Variants in PUF60 observed in about 807,000 individuals in gnomAD.
PUF60 encodes the protein poly(U)-binding-splicing factor PUF60.
Under a neutral mutation model 61.8 loss-of-function variants are expected in PUF60, and 10 were observed. The observed-to-expected ratio is 0.16, with a 90% CI of 0.10 to 0.27. The LOEUF is 0.27. Ranked by LOEUF, PUF60 falls within the 10% of genes least tolerant of loss-of-function variation. PUF60 has a pLI of 1.00. For synonymous variants in PUF60, 353 were observed against 300.9 expected (o/e 1.17, Z -1.79); for missense variants, 371 against 754.0 (o/e 0.49, Z 5.95).
At position 143,816,906 on chromosome 8, in the gene PUF60, C is replaced by T. The variant is rs1307048428; in HGVS notation, c.1380+4G>A. ...CCCCGCCACCACCCTGCCCCTCTGC[C>T]TACCTCCTGCTTGCGGAGCAGCTTC... On this transcript the variant is annotated splice_donor_region_variant and intron_variant, in intron 11 of 11. Transcript: ENST00000526683. 1 of 1,570,888 alleles carries T rather than the reference C, an allele frequency of 6.4e-7. No individual in the cohort carries two copies. Among genetic ancestry groups the T allele is most frequent in the Non-Finnish European group, 8.6e-7 (1 of 1,158,348 alleles).
At position 143,824,670 on chromosome 8, in the gene PUF60, T is replaced by G. The variant is rs943994256; in HGVS notation, c.25-271A>C. On this transcript the variant is annotated intron_variant, in intron 1 of 11. Coordinates refer to ENST00000526683, the MANE Select transcript of PUF60 (RefSeq NM_078480.3). ...ATGGGGAGGAGGGTAGAGAGAGCTG[T>G]GCTCCTGCCCCAGGCAAAAGAAAGC... The G allele has an allele frequency of 5.7e-5, 29 of 508,324 alleles. No homozygotes were observed. In the South Asian group the frequency reaches 7.1e-4, roughly 12 times the overall value. The allele number at this position is 508,324 out of a possible 1,614,324, so 31.5% of individuals were successfully genotyped here.
chr8:143,817,242 C>G lies in PUF60; in HGVS notation c.1144+89G>C. 2.6e-6 allele frequency: 4 copies of G among 1,527,492 alleles called. No individual in the cohort carries two copies. Among genetic ancestry groups the G allele is most frequent in the Non-Finnish European group, 3.5e-6 (4 of 1,139,050 alleles). 94.6% of individuals were successfully genotyped at this position (1,527,492 alleles called of 1,614,324 possible). A position where few individuals can be genotyped will look rare whatever the true frequency, so the allele number is the denominator to read the frequency against. ...CTGCCCTGGGCTCAGAGGGTTGTGC[C>G]CAGACCACCAGGGCCAGGCAGCTGA... is the stretch of plus-strand genomic sequence containing the variant. On this transcript the variant is annotated intron_variant, in intron 10 of 11. Transcript: ENST00000526683. The surrounding 1 kb of genome is among the most constrained non-coding windows in gnomAD (Gnocchi z 7.4).
At chr8:143,820,530 C>A in intron 5 of PUF60, 136 bp downstream of exon 5, 1 of 1,015,214 alleles carries the variant, frequency 9.9e-7, no homozygotes, top group South Asian at 1.4e-5. Flanking sequence ...CCACGCCTGG[C>A]GCTCTGCTGC....
intron 5 of PUF60, among the ~76,000 whole-genome samples, chr8:143,819,709 G>A (rs1204889452): frequency 1.3e-5 from 2 of 152,018 alleles, no homozygotes; most frequent in African/African-American, 4.8e-5. Flanking sequence ...CCCACTCAGA[G>A]CAAGACCCCC....
Position 143,818,094 on chromosome 8 carries a change from G to C in PUF60, c.604-19C>G. The C allele has an allele frequency of 6.2e-7, 1 of 1,609,554 alleles. No individual in the cohort carries two copies. The highest frequency in any genetic ancestry group is 8.5e-7 in the Non-Finnish European group (1 of 1,178,140). Reference sequence around the variant, plus strand: ...TGCCCACCTGGGGAAGAGGCGGTGAGATGGAAAGACCGGTCAACCCAGGCC... The same window carrying C: ...TGCCCACCTGGGGAAGAGGCGGTGACATGGAAAGACCGGTCAACCCAGGCC... On this transcript the variant is annotated intron_variant, in intron 7 of 11. Coordinates refer to ENST00000526683, the MANE Select transcript of PUF60 (RefSeq NM_078480.3). The surrounding 1 kb of genome is among the most constrained non-coding windows in gnomAD (Gnocchi z 7.9).
intron 5 of PUF60, 120 bp downstream of exon 5, chr8:143,820,539 GCGCTCGT>G: frequency 9.0e-7 from 1 of 1,112,426 alleles, no homozygotes; most frequent in Non-Finnish European, 1.3e-6. Context: ...GCGCTCTGCT[GCGCTCGT>G]CCAGAGCTGG....
intron 2 of PUF60, chr8:143,822,522 G>A (rs936431805): frequency 4.4e-6 from 2 of 456,618 alleles, no homozygotes; most frequent in Admixed American, 2.3e-5. Flanking sequence ...GGCCACACAA[G>A]CCCTGAAGAG....
intron 4 of PUF60, chr8:143,821,383 G>A (rs73715508): frequency 3.4e-4 from 205 of 602,514 alleles, no homozygotes; most frequent in African/African-American, 3.2e-3. Flanking sequence ...AAGGGGCTGC[G>A]GCGCTTTAGG....
intron 1 of PUF60, chr8:143,824,780 C>T: frequency 3.4e-6 from 1 of 293,444 alleles, no homozygotes; most frequent in Non-Finnish European, 6.6e-6. Context: ...CGGTGCCTTC[C>T]TGGCAACCTG....
chr8:143,824,188 G>A, intron 2 of PUF60, 125 bp downstream of exon 2: 2 of 940,350 alleles, frequency 2.1e-6, no homozygotes, highest in Non-Finnish European at 3.2e-6. Context: ...GGCAGAGAAG[G>A]GTTCCCGAGG....
Position 143,817,540 on chromosome 8 carries a change from A to T in PUF60, c.1008+52T>A. On this transcript the variant is annotated intron_variant, in intron 9 of 11. Transcript: ENST00000526683. This position sits in a 1 kb window ranked among gnomAD's most constrained non-coding sequence, Gnocchi z 7.4. ...GACCACCTTGAATCAGTCTCCAAGG[A>T]ATCAGGGGCCAGCCCGCCCACCCTC... The T allele has an allele frequency of 2.5e-6, 4 of 1,608,540 alleles. No homozygotes were observed. The highest frequency in any genetic ancestry group is 3.4e-6 in the Non-Finnish European group (4 of 1,179,084).
Position 143,829,304 on chromosome 8 carries a change from C to T in PUF60, c.-1G>A. On this transcript the variant is annotated 5_prime_UTR_variant, in exon 1 of 12. Coordinates refer to ENST00000526683, the MANE Select transcript of PUF60 (RefSeq NM_078480.3). ...CGAGAGCTATGGTCGCCGTCGCCAT[C>T]TTGCGTCCGTCGCGGCCTCCGCGCG... 4.0e-6 allele frequency: 5 copies of T among 1,265,708 alleles called. No homozygotes were observed. Among genetic ancestry groups the T allele is most frequent in the East Asian group, 3.1e-5 (1 of 31,800 alleles). The allele number at this position is 1,265,708 out of a possible 1,614,324, so 78.4% of individuals were successfully genotyped here.
chr8:143,816,958 G>A lies in PUF60; in HGVS notation c.1332C>T (p.Gly444=), dbSNP rs778676095. The A allele has an allele frequency of 1.9e-6, 3 of 1,597,730 alleles. No homozygotes were observed. Among genetic ancestry groups the A allele is most frequent in the African/African-American group, 2.7e-5 (2 of 74,458 alleles). The change falls in exon 11 of 12, where the codon GGC becomes GGT. Residue 444 remains glycine (G), a synonymous_variant. Transcript: ENST00000526683. ...LSEQEHMSIS[G]SSARHMVMQK... ...GCATCACCATGTGTCGGGCGCTACT[G>A]CCCGAGATGCTCATGTGCTCCTGCT...
intron 2 of PUF60, chr8:143,822,594 G>A (rs1314030171): frequency 4.4e-6 from 2 of 456,488 alleles, no homozygotes; most frequent in Non-Finnish European, 8.8e-6. Context: ...GGAGAAGCCA[G>A]GAGCAGACCC....
intron 1 of PUF60, 148 bp from the exon 2 acceptor site, chr8:143,824,547 A>G: frequency 1.3e-6 from 1 of 743,396 alleles, no homozygotes; most frequent in Admixed American, 2.4e-5. Context: ...CCCAGCCCAA[A>G]CTGCCCTCTC....
Position 143,816,442 on chromosome 8 carries a change from C to G in PUF60, c.*78G>C. The G allele has an allele frequency of 6.7e-7, 1 of 1,497,562 alleles. No homozygotes were observed. The highest frequency in any genetic ancestry group is 9.0e-7 in the Non-Finnish European group (1 of 1,117,052). 92.8% of individuals were successfully genotyped at this position (1,497,562 alleles called of 1,614,324 possible). ...GCTGGGCTGGGCAGAGCGCGCCTGG[C>G]CCCGGGGACACCACTGTATCACTAT... On this transcript the variant is annotated 3_prime_UTR_variant, in exon 12 of 12. Coordinates refer to ENST00000526683, the MANE Select transcript of PUF60 (RefSeq NM_078480.3).
Position 143,821,841 on chromosome 8 carries a change from C to T in PUF60, c.184G>A (p.Glu62Lys). Residue 62 changes from glutamate (E) to lysine (K), a missense_variant, in exon 3 of 12, where the codon GAG (glutamate) becomes AAG (lysine). This residue lies in a region of PUF60 where 16 missense variants were observed against 26.9 expected (regional missense o/e 0.60). Coordinates refer to ENST00000526683, the MANE Select transcript of PUF60 (RefSeq NM_078480.3). ...AKLGLPPLTPEQQEALQKAKK... is the reference protein window; with the variant it reads ...AKLGLPPLTPKQQEALQKAKK... The stretch of plus-strand genomic sequence containing the variant: ...ACCTTCTGAAGGGCCTCCTGCTGCT[C>T]GGGCGTCAGGGGAGGCAGCCCCAGC... 2 of 1,610,838 alleles carry T rather than the reference C, an allele frequency of 1.2e-6. No individual in the cohort carries two copies. The highest frequency in any genetic ancestry group is 8.5e-7 in the Non-Finnish European group (1 of 1,179,382).
chr8:143,821,734 A>T (rs1817040926), intron 3 of PUF60, 48 bp from the exon 4 acceptor site: 1 of 1,544,758 alleles, frequency 6.5e-7, no homozygotes, highest in African/African-American at 1.4e-5. Flanking sequence ...CCCATGGGAG[A>T]CAGGCCTGCC....
intron 1 of PUF60, among the ~76,000 whole-genome samples, chr8:143,825,561 T>C (rs1817547886): frequency 6.6e-6 from 1 of 152,154 alleles, no homozygotes; most frequent in Admixed American, 6.5e-5. Flanking sequence ...CTGGCTCTGT[T>C]GCCCAGGCTA....
Sources: gnomAD v4.1 joint callset for allele counts (sites outside exome capture counted in the v4.1 genomes callset) on GRCh38, gnomAD v4.1.1 for gene constraint, gnomAD v4.1.1 regional missense constraint, Gnocchi (gnomAD v3.1) non-coding constraint, MANE v1.5 for transcripts, NCBI Gene and HGNC (gene_info 2026-07-23, HGNC 2026-07-21) for gene names.